Variants in INPP5D observed in about 807,000 individuals in gnomAD.
INPP5D encodes the protein inositol polyphosphate-5-phosphatase D.
In INPP5D, 33 loss-of-function variants were observed where a neutral mutation model predicts 122.9. The ratio of observed to expected loss-of-function variants is 0.27; its 90% CI spans 0.20 to 0.36. The LOEUF is 0.36. Among genes scored for constraint, INPP5D ranks in the 10% least tolerant of loss-of-function variants. The pLI is 1.00. For synonymous variants in INPP5D, 584 were observed against 576.2 expected, an observed-to-expected ratio of 1.01 and a Z score of -0.19; for missense variants, 1,053 against 1,412.7, an observed-to-expected ratio of 0.75 and a Z score of 4.08.
intron 9 of INPP5D, among the ~76,000 whole-genome samples, chr2:233,150,510 G>C (rs1160138862): frequency 7.9e-6 from 1 of 127,024 alleles, no homozygotes; most frequent in Non-Finnish European, 2.0e-5. Flanking sequence ...GTTAAGGAGA[G>C]AGGGGTGGCC....
chr2:233,091,449 A>G (rs1691990901), intron 2 of INPP5D, among the ~76,000 whole-genome samples: 2 of 152,164 alleles, frequency 1.3e-5, no homozygotes, highest in African/African-American at 2.4e-5. Flanking sequence ...CTCCTTCCAG[A>G]GGCTTCAGGG....
chr2:233,148,967 C>T (rs1367093500), intron 9 of INPP5D, among the ~76,000 whole-genome samples: 3 of 152,004 alleles, frequency 2.0e-5, no homozygotes, highest in Non-Finnish European at 4.4e-5. Context: ...GATAAACAAC[C>T]GATATACTAT....
intron 9 of INPP5D, among the ~76,000 whole-genome samples, chr2:233,150,059 G>A (rs529926223): frequency 2.6e-5 from 4 of 152,128 alleles, no homozygotes; most frequent in Non-Finnish European, 4.4e-5. Flanking sequence ...CAGGAGAAAT[G>A]GGGAGTCACT....
At chr2:233,081,034 A>G (rs912748316) in intron 2 of INPP5D, among the ~76,000 whole-genome samples, 1 of 152,222 alleles carries the variant, frequency 6.6e-6, no homozygotes, top group Non-Finnish European at 1.5e-5. Context: ...AGTCCACTGC[A>G]GCCTCTAAGG....
intron 2 of INPP5D, among the ~76,000 whole-genome samples, chr2:233,091,543 C>A (rs1298779090): frequency 6.6e-6 from 1 of 152,156 alleles, no homozygotes; most frequent in Non-Finnish European, 1.5e-5. Context: ...TCTTCAGAAC[C>A]AGTAATGGCC....
At chr2:233,131,059 C>T in intron 5 of INPP5D, 8 of 407,230 alleles carry the variant, frequency 2.0e-5, no homozygotes, top group Middle Eastern at 1.2e-3. Flanking sequence ...CTATTTTCTG[C>T]GTGGGTGGTT....
At chr2:233,109,456 C>G (rs184901125) in intron 2 of INPP5D, among the ~76,000 whole-genome samples, 1 of 152,296 alleles carries the variant, frequency 6.6e-6, no homozygotes, top group South Asian at 2.1e-4. Context: ...ATTTGGGCAT[C>G]GTAGGTGTTT....
At chr2:233,176,552 TGTG>T (rs1694642024) in intron 17 of INPP5D, among the ~76,000 whole-genome samples, 2 of 4 alleles carry the variant, frequency 0.5, 1 homozygote, top group African/African-American at 1. Context: ...TGATGTGTGG[TGTG>T]AGGATGATAA....
At chr2:233,074,328 A>G (rs1691458402) in intron 1 of INPP5D, among the ~76,000 whole-genome samples, 1 of 152,150 alleles carries the variant, frequency 6.6e-6, no homozygotes, top group Admixed American at 6.5e-5. Context: ...CAGACGAGGA[A>G]TAGCCCGCTG....
Position 233,082,646 on chromosome 2 carries a change from G to A in INPP5D, c.198+3248G>A, listed in dbSNP as rs1053221674. On this transcript the variant is annotated intron_variant, in intron 2 of 26. Transcript: ENST00000445964. This position sits in a 1 kb window ranked among gnomAD's most constrained non-coding sequence, Gnocchi z 4.7. ...GACCAACTTCATGGAGTTGGCCCAC[G>A]TGTCATAGCCCATGACAGCCCTGTA... is the stretch of plus-strand genomic sequence containing the variant. Among the ~76,000 whole-genome samples, 5 of 152,226 alleles carry A rather than the reference G, an allele frequency of 3.3e-5. No individual in the cohort carries two copies. In the East Asian group the frequency reaches 7.7e-4, roughly 24 times the overall value.
intron 1 of INPP5D, among the ~76,000 whole-genome samples, chr2:233,071,907 T>G: frequency 6.6e-6 from 1 of 152,230 alleles, no homozygotes; most frequent in East Asian, 1.9e-4. Context: ...TCTCTGGGAT[T>G]TTCTTGTTTG....
At position 233,082,542 on chromosome 2, in the gene INPP5D, TA is replaced by T. The variant is rs985489543; in HGVS notation, c.198+3145del. Among the ~76,000 whole-genome samples, 3 of 152,230 alleles carry T rather than the reference TA, an allele frequency of 2.0e-5. No individual in the cohort carries two copies. The highest frequency in any genetic ancestry group is 4.4e-5 in the Non-Finnish European group (3 of 68,046). On this transcript the variant is annotated intron_variant, in intron 2 of 26. Coordinates refer to ENST00000445964, the MANE Select transcript of INPP5D (RefSeq NM_001017915.3). This position sits in a 1 kb window ranked among gnomAD's most constrained non-coding sequence, Gnocchi z 4.7. Reference sequence around the variant, plus strand: ...GCACCGAAAGGCTTTCATTGTTTCTTAGTTTAGTAACTTTAGCTCTTTTCCT... The same window carrying T: ...GCACCGAAAGGCTTTCATTGTTTCTTGTTTAGTAACTTTAGCTCTTTTCCT...
chr2:233,177,316 C>A lies in INPP5D; in HGVS notation c.2041C>A (p.Pro681Thr). ...WCDRVLWKSY[P>T]LVHVVCQSYG... ...TGACCGAGTCCTCTGGAAGTCTTAT[C>A]CCCTGGTGCACGTGGTGTGTCAGTC... is the stretch of plus-strand genomic sequence containing the variant. Residue 681 changes from proline to threonine, a missense_variant, in exon 18 of 27, where the codon CCC becomes ACC. By Grantham distance (38) the Pro-to-Thr change is conservative (BLOSUM62 -1). Transcript: ENST00000445964. This position sits in a 1 kb window ranked among gnomAD's most constrained non-coding sequence, Gnocchi z 4.2. 1 of 1,613,870 alleles carries A rather than the reference C, an allele frequency of 6.2e-7. No homozygotes were observed. Among genetic ancestry groups the A allele is most frequent in the Non-Finnish European group, 8.5e-7 (1 of 1,179,828 alleles).
At position 233,168,608 on chromosome 2, in the gene INPP5D, A is replaced by G. The variant is rs180928881; in HGVS notation, c.1556-697A>G. 8.3e-4 allele frequency among the ~76,000 whole-genome samples: 126 copies of G among 152,348 alleles called. 1 individual carries two copies. The highest frequency in any genetic ancestry group is 2.9e-3 in the African/African-American group (119 of 41,576). Reference sequence around the variant, plus strand: ...GTTCTTTACGAACACTGAAATTTGAATTTCGTATTTTCATGAATGACAAAA... The same window carrying G: ...GTTCTTTACGAACACTGAAATTTGAGTTTCGTATTTTCATGAATGACAAAA... On this transcript the variant is annotated intron_variant, in intron 13 of 26. Coordinates refer to ENST00000445964, the MANE Select transcript of INPP5D (RefSeq NM_001017915.3).
chr2:233,179,628 C>T (rs1335102047), intron 18 of INPP5D, among the ~76,000 whole-genome samples: 10 of 152,086 alleles, frequency 6.6e-5, no homozygotes, highest in Non-Finnish European at 8.8e-5. Context: ...CAGTGTCTTC[C>T]GGGGAGGGCT....
At chr2:233,114,665 T>C (rs1376452698) in intron 2 of INPP5D, among the ~76,000 whole-genome samples, 2 of 152,040 alleles carry the variant, frequency 1.3e-5, no homozygotes, top group Non-Finnish European at 2.9e-5. Flanking sequence ...TTTCAGAAAC[T>C]TCCCAGCCTC....
At chr2:233,066,082 C>T (rs762525448) in intron 1 of INPP5D, among the ~76,000 whole-genome samples, 30 of 152,050 alleles carry the variant, frequency 2.0e-4, no homozygotes, top group Admixed American at 3.3e-4. Flanking sequence ...CTCAGTTTCC[C>T]GAGTAGCTGG....
intron 6 of INPP5D, among the ~76,000 whole-genome samples, chr2:233,144,001 G>T (rs1202794779): frequency 6.9e-6 from 1 of 144,128 alleles, no homozygotes; most frequent in Non-Finnish European, 1.5e-5. Flanking sequence ...GGTGGAGGTG[G>T]TCATGATTAT....
rs1300336347 is a variant in INPP5D at position 233,207,493 on chromosome 2, G to A, written c.*785G>A. 1 of 152,408 alleles carries A rather than the reference G, an allele frequency of 6.6e-6. No individual in the cohort carries two copies. The highest frequency in any genetic ancestry group is 1.5e-5 in the Non-Finnish European group (1 of 68,082). 9.4% of individuals were successfully genotyped at this position (152,408 alleles called of 1,614,324 possible). A position where few individuals can be genotyped will look rare whatever the true frequency, so the allele number is the denominator to read the frequency against. On this transcript the variant is annotated 3_prime_UTR_variant, in exon 27 of 27. Coordinates refer to ENST00000445964, the MANE Select transcript of INPP5D (RefSeq NM_001017915.3). This position sits in a 1 kb window ranked among gnomAD's most constrained non-coding sequence, Gnocchi z 4.6. ...AGATCTGGCCTCAGCTTGGGCTAGAGATGCCAAGGCCTGTGCCAGGTTCCC... is the reference window on the plus strand; with the variant it reads ...AGATCTGGCCTCAGCTTGGGCTAGAAATGCCAAGGCCTGTGCCAGGTTCCC...
Sources: gnomAD v4.1 joint callset for allele counts (sites outside exome capture counted in the v4.1 genomes callset) on GRCh38, gnomAD v4.1.1 for gene constraint, Gnocchi (gnomAD v3.1) non-coding constraint, MANE v1.5 for transcripts, NCBI Gene and HGNC (gene_info 2026-07-23, HGNC 2026-07-21) for gene names.